Variants in CLPTM1L observed in about 807,000 individuals in gnomAD.
CLPTM1L encodes the protein CLPTM1 like, also known as lipid scramblase CLPTM1L.
Under a neutral mutation model 70.9 loss-of-function variants are expected in CLPTM1L, and 38 were observed. The ratio of observed to expected loss-of-function variants is 0.54; its 90% CI spans 0.41 to 0.70. The LOEUF is 0.70. Among genes scored for constraint, CLPTM1L ranks in the 30% least tolerant of loss-of-function variants. The pLI is 0.00. For synonymous variants in CLPTM1L, 339 were observed against 299.9 expected, an observed-to-expected ratio of 1.13 and a Z score of -1.35; for missense variants, 652 against 705.9, an observed-to-expected ratio of 0.92 and a Z score of 0.87.
Position 1,331,737 on chromosome 5 carries a change from G to A in CLPTM1L, c.976+62C>T, listed in dbSNP as rs886296301. 63 of 1,436,786 alleles carry A rather than the reference G, an allele frequency of 4.4e-5. 1 individual carries two copies. In the South Asian group the frequency reaches 5.4e-4, roughly 12 times the overall value. 89.0% of individuals were successfully genotyped at this position (1,436,786 alleles called of 1,614,324 possible). A position where few individuals can be genotyped will look rare whatever the true frequency, so the allele number is the denominator to read the frequency against. On this transcript the variant is annotated intron_variant, in intron 8 of 16. Transcript: ENST00000320895. ...GCAGTGAGGCAGGCAGCCCTCTACC[G>A]CAGGCTCCAGTGAGCTCCCTGGGGC...
chr5:1,333,953 T>C (rs1023136836), intron 7 of CLPTM1L, among the ~76,000 whole-genome samples: 1 of 151,440 alleles, frequency 6.6e-6, no homozygotes, highest in Admixed American at 6.6e-5. Context: ...CAGGGGAGAG[T>C]GAGATGCCTG....
In CLPTM1L at chr5:1,342,039, T is replaced by TGTGTGTGTGTGTGTGTGTGC. The variant is rs3222913; in HGVS notation, c.264-180_264-179insGCACACACACACACACACAC. ...GTGTGTGTGTGTGTGTGTGTGTGTG[T>TGTGTGTGTGTGTGTGTGTGC]GCACGCGCACGCGTGCGCGTCCTGA... On this transcript the variant is annotated intron_variant, in intron 2 of 16. Transcript: ENST00000320895. The surrounding 1 kb of genome is among the most constrained non-coding windows in gnomAD (Gnocchi z 4.3). 6.7e-6 allele frequency among the ~76,000 whole-genome samples: 1 copy of TGTGTGTGTGTGTGTGTGTGC among 148,974 alleles called. No individual in the cohort carries two copies. The highest frequency in any genetic ancestry group is 2.5e-5 in the African/African-American group (1 of 39,662).
intron 10 of CLPTM1L, 191 bp from the exon 11 acceptor site, chr5:1,325,004 C>A: frequency 1.6e-6 from 1 of 609,266 alleles, no homozygotes; most frequent in East Asian, 2.8e-5. Context: ...CCCGCCTCAC[C>A]CTGGCCCTGG....
Position 1,342,884 on chromosome 5 carries a change from C to T in CLPTM1L, c.264-1024G>A, listed in dbSNP as rs917373341. ...GATTATAGGCATGAGTCACTGTGCC[C>T]GGCCTCTCCTTAAAAATCTTACGGT... On this transcript the variant is annotated intron_variant, in intron 2 of 16. Transcript: ENST00000320895. The surrounding 1 kb of genome is among the most constrained non-coding windows in gnomAD (Gnocchi z 4.3). 1.1e-4 allele frequency among the ~76,000 whole-genome samples: 17 copies of T among 152,330 alleles called. No individual in the cohort carries two copies. Among genetic ancestry groups the T allele is most frequent in the Non-Finnish European group, 2.1e-4 (14 of 68,014 alleles).
At chr5:1,337,684 C>T (rs1229860542) in intron 5 of CLPTM1L, among the ~76,000 whole-genome samples, 1 of 152,246 alleles carries the variant, frequency 6.6e-6, no homozygotes, top group Non-Finnish European at 1.5e-5. Flanking sequence ...TCCAGAGGCT[C>T]AGCAGGACCC....
At chr5:1,328,856 T>G (rs1300216183) in intron 9 of CLPTM1L, among the ~76,000 whole-genome samples, 4 of 143,658 alleles carry the variant, frequency 2.8e-5, no homozygotes, top group African/African-American at 7.7e-5. Flanking sequence ...CAGACACATT[T>G]CATCCAGCTC....
Position 1,342,388 on chromosome 5 carries a change from G to A in CLPTM1L, c.264-528C>T, listed in dbSNP as rs1754006945. On this transcript the variant is annotated intron_variant, in intron 2 of 16. Coordinates refer to ENST00000320895, the MANE Select transcript of CLPTM1L (RefSeq NM_030782.5). The surrounding 1 kb of genome is among the most constrained non-coding windows in gnomAD (Gnocchi z 4.3). ...GGATAAAAAGATGATCAGCCACAAA[G>A]GACTGACTTTCAAGGCTGTCAGTCC... Among the ~76,000 whole-genome samples, 1 of 152,144 alleles carries A rather than the reference G, an allele frequency of 6.6e-6. No homozygotes were observed. The highest frequency in any genetic ancestry group is 6.5e-5 in the Admixed American group (1 of 15,272).
chr5:1,328,846 C>T (rs1206086015), intron 9 of CLPTM1L, among the ~76,000 whole-genome samples: 2 of 151,924 alleles, frequency 1.3e-5, no homozygotes, highest in African/African-American at 2.4e-5. Context: ...TCCTCCTCTA[C>T]AGACACATTT....
intron 5 of CLPTM1L, among the ~76,000 whole-genome samples, chr5:1,337,175 C>T (rs1299488621): frequency 3.9e-5 from 6 of 152,216 alleles, no homozygotes; most frequent in East Asian, 1.9e-4. Context: ...TAACCTCATC[C>T]GTGAAACAAC....
intron 12 of CLPTM1L, 90 bp downstream of exon 12, chr5:1,323,697 G>A: frequency 9.1e-7 from 1 of 1,099,764 alleles, no homozygotes; most frequent in Admixed American, 1.9e-5. Flanking sequence ...CCCCGAGTTT[G>A]CCCTCCAGTC....
At chr5:1,332,633 C>A (rs996102701) in intron 7 of CLPTM1L, among the ~76,000 whole-genome samples, 3 of 152,140 alleles carry the variant, frequency 2.0e-5, no homozygotes, top group Admixed American at 6.5e-5. Flanking sequence ...CTTGCTTTAC[C>A]CATGGTTTAC....
intron 7 of CLPTM1L, among the ~76,000 whole-genome samples, chr5:1,332,547 C>T (rs1753162685): frequency 6.6e-6 from 1 of 152,376 alleles, no homozygotes; most frequent in Middle Eastern, 3.4e-3. Flanking sequence ...CGCCTAACCA[C>T]AGGCCAGCCT....
At position 1,344,883 on chromosome 5, in the gene CLPTM1L, G is replaced by C; in HGVS notation, c.-42C>G. On this transcript the variant is annotated 5_prime_UTR_variant, in exon 1 of 17. Transcript: ENST00000320895. ...GCGCCCCCGGCCCGCCCGCCTCTCAGCCGCGAGCCCCGCCCGCCCGGCGCC... is the reference window on the plus strand; with the variant it reads ...GCGCCCCCGGCCCGCCCGCCTCTCACCCGCGAGCCCCGCCCGCCCGGCGCC... 1 of 1,137,034 alleles carries C rather than the reference G, an allele frequency of 8.8e-7. No homozygotes were observed. Among genetic ancestry groups the C allele is most frequent in the Non-Finnish European group, 1.1e-6 (1 of 921,492 alleles). The allele number at this position is 1,137,034 out of a possible 1,614,324, so 70.4% of individuals were successfully genotyped here.
In CLPTM1L at chr5:1,342,009, C is replaced by CGTGTGTGTGTGTGTGTGTGT. The variant is rs71598674; in HGVS notation, c.264-169_264-150dup. 4.0e-6 allele frequency: 2 copies of CGTGTGTGTGTGTGTGTGTGT among 503,132 alleles called. No homozygotes were observed. The highest frequency in any genetic ancestry group is 6.8e-6 in the Non-Finnish European group (2 of 292,058). The allele number at this position is 503,132 out of a possible 1,614,324, so 31.2% of individuals were successfully genotyped here. On this transcript the variant is annotated intron_variant, in intron 2 of 16. Coordinates refer to ENST00000320895, the MANE Select transcript of CLPTM1L (RefSeq NM_030782.5). The surrounding 1 kb of genome is among the most constrained non-coding windows in gnomAD (Gnocchi z 4.3). Reference sequence around the variant, plus strand: ...CCCACCTGCCCAGGGCTTTACGAGTCGTGTGTGTGTGTGTGTGTGTGTGTG... The same window carrying CGTGTGTGTGTGTGTGTGTGT: ...CCCACCTGCCCAGGGCTTTACGAGTCGTGTGTGTGTGTGTGTGTGTGTGTGTGTGTGTGTGTGTGTGTGTG...
intron 3 of CLPTM1L, among the ~76,000 whole-genome samples, chr5:1,341,148 T>A (rs921558362): frequency 1.3e-5 from 2 of 152,256 alleles, no homozygotes; most frequent in African/African-American, 4.8e-5. Context: ...CCTGTATTCA[T>A]GATCACTTAA....
Position 1,342,039 on chromosome 5 carries a change from T to TGTGTGTGTGCGC in CLPTM1L, c.264-180_264-179insGCGCACACACAC, listed in dbSNP as rs3222913. The stretch of plus-strand genomic sequence containing the variant: ...GTGTGTGTGTGTGTGTGTGTGTGTG[T>TGTGTGTGTGCGC]GCACGCGCACGCGTGCGCGTCCTGA... On this transcript the variant is annotated intron_variant, in intron 2 of 16. Coordinates refer to ENST00000320895, the MANE Select transcript of CLPTM1L (RefSeq NM_030782.5). This position sits in a 1 kb window ranked among gnomAD's most constrained non-coding sequence, Gnocchi z 4.3. Among the ~76,000 whole-genome samples, 2,272 of 149,044 alleles carry TGTGTGTGTGCGC rather than the reference T, an allele frequency of 0.015. 27 individuals are homozygous for TGTGTGTGTGCGC. The highest frequency in any genetic ancestry group is 0.016 in the Non-Finnish European group (1,075 of 67,322).
Position 1,344,672 on chromosome 5 carries a change from A to G in CLPTM1L, c.162+8T>C. ...ACCCGCCCGGCCCCCGGCCCCGCGG[A>G]CGCTCACCTGCAGCTTGGGCCGCCG... On this transcript the variant is annotated splice_region_variant and intron_variant, in intron 1 of 16. Transcript: ENST00000320895. The G allele has an allele frequency of 6.5e-6, 10 of 1,548,524 alleles. No individual in the cohort carries two copies. The South Asian group carries it at 1.2e-4, about 18-fold the overall frequency.
chr5:1,335,269 C>T, intron 5 of CLPTM1L, 95 bp from the exon 6 acceptor site: 1 of 965,380 alleles, frequency 1.0e-6, no homozygotes. Context: ...CCTTCCCATC[C>T]CTGTGTGGCC....
chr5:1,321,558 A>T, intron 15 of CLPTM1L, 77 bp downstream of exon 15: 1 of 1,279,404 alleles, frequency 7.8e-7, no homozygotes, highest in Non-Finnish European at 1.1e-6. Flanking sequence ...TGGCCCCAGT[A>T]ATGCTGTTGG....
Sources: allele counts gnomAD v4.1 joint callset (sites outside exome capture counted in the v4.1 genomes callset), GRCh38; gene constraint gnomAD v4.1.1; non-coding constraint Gnocchi (gnomAD v3.1); transcripts MANE v1.5; gene names NCBI Gene and HGNC (gene_info 2026-07-23, HGNC 2026-07-21).